The following BCKDHB variants were observed in gnomAD, a reference collection of about 807,000 sequenced individuals.
The protein encoded by BCKDHB is 2-oxoisovalerate dehydrogenase subunit beta, mitochondrial.
Under a neutral mutation model 48.5 loss-of-function variants are expected in BCKDHB, and 41 were observed. The observed-to-expected ratio is 0.85, with a 90% CI of 0.66 to 1.10. The LOEUF (loss-of-function observed/expected upper bound fraction) is 1.10. Ranked by LOEUF, BCKDHB falls within the 50% of genes least tolerant of loss-of-function variation. BCKDHB has a pLI of 0.00. For missense variants in BCKDHB, 496 were observed against 494.2 expected (o/e 1.00, Z -0.03); for synonymous variants, 201 against 174.8 (o/e 1.15, Z -1.18).
chr6:80,127,536 G>T lies in BCKDHB; in HGVS notation c.197-11G>T, dbSNP rs9448894. 714,343 of 1,555,556 alleles carry T rather than the reference G, an allele frequency of 0.46. 143,841 individuals are homozygous for T. Among genetic ancestry groups the T allele is most frequent in the East Asian group, 0.61 (25,997 of 42,528 alleles). ...CAACACACGAAATGATTTTTTTTTT[G>T]ATTTTCACAGGGCAAACTCAGAAAA... is the stretch of plus-strand genomic sequence containing the variant. On this transcript the variant is annotated splice_polypyrimidine_tract_variant and intron_variant, in intron 1 of 9. Transcript: ENST00000320393.
At chr6:80,300,588 T>C (rs1767529389) in intron 9 of BCKDHB, among the ~76,000 whole-genome samples, 1 of 152,120 alleles carries the variant, frequency 6.6e-6, no homozygotes, top group South Asian at 2.1e-4. Flanking sequence ...ACTGACAGTG[T>C]TAGAAATATC....
intron 8 of BCKDHB, among the ~76,000 whole-genome samples, chr6:80,219,458 C>T (rs1305438990): frequency 1.3e-5 from 2 of 152,136 alleles, no homozygotes; most frequent in African/African-American, 4.8e-5. Context: ...CCACACACCT[C>T]GGCCTCCCAA....
intron 3 of BCKDHB, among the ~76,000 whole-genome samples, chr6:80,139,780 G>A (rs1463269202): frequency 4.0e-5 from 6 of 151,856 alleles, no homozygotes; most frequent in Non-Finnish European, 7.4e-5. Context: ...TTGACTTGGC[G>A]ATGTGGGCTC....
intron 1 of BCKDHB, among the ~76,000 whole-genome samples, chr6:80,123,554 T>C (rs1770165903): frequency 1.3e-5 from 2 of 152,200 alleles, no homozygotes; most frequent in African/African-American, 2.4e-5. Context: ...CTATTAATTA[T>C]TGCCTCAATT....
At chr6:80,403,150 G>A in the BCKDHB span, among the ~76,000 whole-genome samples, 50 of 151,854 alleles carry the variant, frequency 3.3e-4, no homozygotes, top group African/African-American at 1.2e-3. Context: ...AAAGGCCATT[G>A]TAATTTTGAT....
At chr6:80,265,201 G>A (rs1046999935) in intron 8 of BCKDHB, among the ~76,000 whole-genome samples, 1 of 151,810 alleles carries the variant, frequency 6.6e-6, no homozygotes, top group Non-Finnish European at 1.5e-5. Context: ...TCCACTTCTG[G>A]GTATATATAC....
chr6:80,124,564 G>T (rs1341299234), intron 1 of BCKDHB, among the ~76,000 whole-genome samples: 2 of 152,086 alleles, frequency 1.3e-5, no homozygotes, highest in African/African-American at 2.4e-5. Context: ...TATGAATCTG[G>T]GTGCTCCTGT....
At chr6:80,326,216 T>C (rs2128005592) in intron 9 of BCKDHB, among the ~76,000 whole-genome samples, 1 of 152,282 alleles carries the variant, frequency 6.6e-6, no homozygotes, top group Admixed American at 6.5e-5. Context: ...TTTTTAAAGA[T>C]GTGGGGATAC....
At chr6:80,197,924 A>T (rs190804855) in intron 6 of BCKDHB, among the ~76,000 whole-genome samples, 7 of 147,232 alleles carry the variant, frequency 4.8e-5, no homozygotes, top group African/African-American at 1.7e-4. Flanking sequence ...CCATTGATCT[A>T]TCCATCTGTT....
intron 5 of BCKDHB, 140 bp from the exon 6 acceptor site, chr6:80,171,142 G>A (rs901636737): frequency 5.1e-6 from 3 of 586,244 alleles, no homozygotes; most frequent in Non-Finnish European, 9.2e-6. Context: ...CTTAATAAGT[G>A]ATAATTAGGC....
chr6:80,354,826 T>C, the BCKDHB span, among the ~76,000 whole-genome samples: 1 of 152,184 alleles, frequency 6.6e-6, no homozygotes, highest in African/African-American at 2.4e-5. Context: ...TATGTGATCT[T>C]ATGTCTGTGT....
intron 8 of BCKDHB, among the ~76,000 whole-genome samples, chr6:80,268,717 TCTC>T (rs1472311810): frequency 1.3e-5 from 2 of 152,128 alleles, no homozygotes; most frequent in Non-Finnish European, 2.9e-5. Flanking sequence ...CTGTATCAGT[TCTC>T]CTAGAATAAC....
chr6:80,153,826 C>T (rs1771910076), intron 3 of BCKDHB, among the ~76,000 whole-genome samples: 1 of 152,204 alleles, frequency 6.6e-6, no homozygotes, highest in African/African-American at 2.4e-5. Flanking sequence ...TCCAACACCA[C>T]ACAACTGGTA....
the BCKDHB span, among the ~76,000 whole-genome samples, chr6:80,433,353 GC>G: frequency 6.6e-6 from 1 of 152,066 alleles, no homozygotes; most frequent in African/African-American, 2.4e-5. Context: ...TTTCAGAGAT[GC>G]CCTGCCCAGA....
the BCKDHB span, among the ~76,000 whole-genome samples, chr6:80,399,505 CA>C: frequency 2.0e-5 from 3 of 151,920 alleles, no homozygotes; most frequent in Non-Finnish European, 1.5e-5. Flanking sequence ...ACAATTGCCA[CA>C]AAAAATAAAC....
At chr6:80,290,177 G>C (rs1037633197) in intron 9 of BCKDHB, among the ~76,000 whole-genome samples, 1 of 152,192 alleles carries the variant, frequency 6.6e-6, no homozygotes, top group Non-Finnish European at 1.5e-5. Context: ...GCAGCATTTT[G>C]GGAGTAAGTA....
At chr6:80,162,471 TATTA>T (rs1772364455) in intron 3 of BCKDHB, among the ~76,000 whole-genome samples, 1 of 152,212 alleles carries the variant, frequency 6.6e-6, no homozygotes, top group South Asian at 2.1e-4. Flanking sequence ...CTCTCCATTT[TATTA>T]ATTTTCTCAA....
intron 1 of BCKDHB, among the ~76,000 whole-genome samples, chr6:80,114,681 G>A (rs543558459): frequency 1.1e-4 from 17 of 152,292 alleles, no homozygotes; most frequent in East Asian, 3.9e-4. Flanking sequence ...GGGTAGTGCC[G>A]TTTGCTAAGA....
chr6:80,438,439 A>T, the BCKDHB span, among the ~76,000 whole-genome samples: 2 of 152,200 alleles, frequency 1.3e-5, no homozygotes, highest in African/African-American at 2.4e-5. Flanking sequence ...ATGTTTTTAC[A>T]TGTGTACAAA....
Sources: allele counts gnomAD v4.1 joint callset (sites outside exome capture counted in the v4.1 genomes callset), GRCh38; gene constraint gnomAD v4.1.1; transcripts MANE v1.5; gene names NCBI Gene and HGNC (gene_info 2026-07-23, HGNC 2026-07-21).